ANKRD55: variants seen among roughly 807,000 people sequenced by gnomAD.
ANKRD55 encodes ankyrin repeat domain 55, also known as ankyrin repeat domain-containing protein 55.
A neutral mutation model predicts 60.6 loss-of-function variants in ANKRD55; 41 were observed. The observed-to-expected ratio is 0.68, with a 90% CI of 0.53 to 0.88. ANKRD55 has a LOEUF of 0.88. Among genes scored for constraint, ANKRD55 ranks in the 40% least tolerant of loss-of-function variants. The pLI is 0.00. For synonymous variants in ANKRD55, 264 were observed against 290.3 expected, an observed-to-expected ratio of 0.91 and a Z score of 0.92; for missense variants, 732 against 767.6, an observed-to-expected ratio of 0.95 and a Z score of 0.55.
chr5:56,155,654 C>T (rs1290561685), intron 6 of ANKRD55, among the ~76,000 whole-genome samples: 1 of 151,854 alleles, frequency 6.6e-6, no homozygotes, highest in Non-Finnish European at 1.5e-5. Context: ...ATTATGAGTG[C>T]CTCAGAGTTA....
At chr5:56,176,384 AC>A in intron 3 of ANKRD55, 102 bp from the exon 4 acceptor site, 1 of 1,375,238 alleles carries the variant, frequency 7.3e-7, no homozygotes. Context: ...TGCAATACAA[AC>A]CCAGCTGTTT....
At chr5:56,112,995 A>G (rs888457682) in intron 9 of ANKRD55, among the ~76,000 whole-genome samples, 1 of 152,200 alleles carries the variant, frequency 6.6e-6, no homozygotes, top group African/African-American at 2.4e-5. Context: ...ACTGAATTCT[A>G]GACTCCTAAT....
At chr5:56,132,424 C>CAAAAAAAAAAAAAAAAAAG (rs34289990) in intron 7 of ANKRD55, among the ~76,000 whole-genome samples, 1 of 120,372 alleles carries the variant, frequency 8.3e-6, no homozygotes, top group African/African-American at 3.6e-5. Context: ...ACTTAAAATA[C>CAAAAAAAAAAAAAAAAAAG]AAAAAAAAAA....
At position 56,132,424 on chromosome 5, in the gene ANKRD55, C is replaced by CAAAAA. The variant is rs34289990; in HGVS notation, c.613-5323_613-5319dup. 5.7e-3 allele frequency among the ~76,000 whole-genome samples: 690 copies of CAAAAA among 120,322 alleles called. 18 individuals are homozygous for CAAAAA. The highest frequency in any genetic ancestry group is 0.019 in the African/African-American group (517 of 27,502). 78.9% of individuals were successfully genotyped at this position (120,322 alleles called of 152,430 possible). Reference sequence around the variant, plus strand: ...TGAAACCCTGTCTCTACTTAAAATACAAAAAAAAAAAAAAAAATTAGCTGG... The same window carrying CAAAAA: ...TGAAACCCTGTCTCTACTTAAAATACAAAAAAAAAAAAAAAAAAAAAATTAGCTGG... On this transcript the variant is annotated intron_variant, in intron 7 of 11. Transcript: ENST00000341048.
At chr5:56,233,101 G>A (rs1760297804) in intron 1 of ANKRD55, 140 bp downstream of exon 1, 4 of 608,262 alleles carry the variant, frequency 6.6e-6, no homozygotes, top group Non-Finnish European at 1.2e-5. Context: ...TGCTATTCCT[G>A]TAAATACCTG....
At position 56,112,581 on chromosome 5, in the gene ANKRD55, C is replaced by T. The variant is rs542282575; in HGVS notation, c.966-799G>A. On this transcript the variant is annotated intron_variant, in intron 9 of 11. Transcript: ENST00000341048. ...GCGAGGGAAGAGGAGGAGTGCATGA[C>T]CAAGGTCGGGCGTGGCTGCAGAAGA... Among the ~76,000 whole-genome samples the T allele has an allele frequency of 2.3e-4, 35 of 149,480 alleles. 1 individual carries two copies. In the East Asian group the frequency reaches 6.6e-3, roughly 28 times the overall value.
At position 56,148,440 on chromosome 5, in the gene ANKRD55, C is replaced by T. The variant is rs917787260; in HGVS notation, c.484-4511G>A. 2.6e-4 allele frequency among the ~76,000 whole-genome samples: 40 copies of T among 152,154 alleles called. 1 individual carries two copies. Among genetic ancestry groups the T allele is most frequent in the Non-Finnish European group, 4.9e-4 (33 of 68,024 alleles). On this transcript the variant is annotated intron_variant, in intron 6 of 11. Transcript: ENST00000341048. ...ACACATATTCAGTTAAAAATATAAGCTCTCCAGAATGTTTTGAGGGGAAAT... is the reference window on the plus strand; with the variant it reads ...ACACATATTCAGTTAAAAATATAAGTTCTCCAGAATGTTTTGAGGGGAAAT...
At chr5:56,129,385 T>C (rs1395345936) in intron 7 of ANKRD55, among the ~76,000 whole-genome samples, 1 of 152,232 alleles carries the variant, frequency 6.6e-6, no homozygotes, top group Non-Finnish European at 1.5e-5. Flanking sequence ...GATTGTGAGT[T>C]TGTTTTTGTT....
intron 2 of ANKRD55, among the ~76,000 whole-genome samples, chr5:56,219,673 C>T (rs1021999356): frequency 1.3e-5 from 2 of 151,904 alleles, no homozygotes; most frequent in African/African-American, 2.4e-5. Context: ...TTTACAAGTG[C>T]ATTAATCATG....
At chr5:56,183,887 A>G (rs1267623757) in intron 2 of ANKRD55, among the ~76,000 whole-genome samples, 2 of 152,204 alleles carry the variant, frequency 1.3e-5, no homozygotes, top group African/African-American at 4.8e-5. Flanking sequence ...TTTTCTGATT[A>G]TTTCCAGGCA....
chr5:56,159,432 G>T (rs1283989871), intron 6 of ANKRD55, among the ~76,000 whole-genome samples: 3 of 151,792 alleles, frequency 2.0e-5, no homozygotes, highest in Non-Finnish European at 4.4e-5. Flanking sequence ...CTGCACTCCA[G>T]CCTGGGCAAC....
intron 6 of ANKRD55, among the ~76,000 whole-genome samples, chr5:56,145,055 A>C (rs1478380544): frequency 6.6e-6 from 1 of 152,238 alleles, no homozygotes; most frequent in Non-Finnish European, 1.5e-5. Context: ...GGTGAGCTGC[A>C]TGGAGAAGAT....
intron 2 of ANKRD55, among the ~76,000 whole-genome samples, chr5:56,187,687 C>T (rs370853381): frequency 2.0e-4 from 30 of 152,384 alleles, no homozygotes; most frequent in African/African-American, 5.5e-4. Context: ...TGTTCCTGCA[C>T]GGCTAACTGC....
At chr5:56,133,550 T>C (rs1757483262) in intron 7 of ANKRD55, among the ~76,000 whole-genome samples, 1 of 106,208 alleles carries the variant, frequency 9.4e-6, no homozygotes, top group Non-Finnish European at 2.2e-5. Flanking sequence ...TTCACCGAGA[T>C]AGACTACAGT....
At chr5:56,201,266 C>A (rs1759369523) in intron 2 of ANKRD55, among the ~76,000 whole-genome samples, 1 of 152,132 alleles carries the variant, frequency 6.6e-6, no homozygotes, top group South Asian at 2.1e-4. Flanking sequence ...GCATGCCAGG[C>A]CTTACACTGC....
At chr5:56,143,156 T>C (rs1048656377) in intron 7 of ANKRD55, among the ~76,000 whole-genome samples, 13 of 152,124 alleles carry the variant, frequency 8.5e-5, no homozygotes, top group African/African-American at 2.9e-4. Context: ...GGCTGGCAAG[T>C]TTATGCAAAG....
At chr5:56,199,100 C>A (rs1436525945) in intron 2 of ANKRD55, among the ~76,000 whole-genome samples, 5 of 151,658 alleles carry the variant, frequency 3.3e-5, no homozygotes, top group Non-Finnish European at 7.4e-5. Context: ...AACAAACAAA[C>A]AAACCCAAAA....
intron 6 of ANKRD55, among the ~76,000 whole-genome samples, chr5:56,147,043 C>A (rs543551163): frequency 3.9e-5 from 6 of 152,240 alleles, no homozygotes; most frequent in African/African-American, 1.2e-4. Context: ...CCCACAAAAC[C>A]CAACTCTTGC....
At chr5:56,220,281 T>G (rs1342611577) in intron 2 of ANKRD55, among the ~76,000 whole-genome samples, 1 of 152,220 alleles carries the variant, frequency 6.6e-6, no homozygotes, top group Non-Finnish European at 1.5e-5. Context: ...AGGGGCTTCC[T>G]TCTGTAGAGT....
Sources: allele counts gnomAD v4.1 joint callset (sites outside exome capture counted in the v4.1 genomes callset), GRCh38; gene constraint gnomAD v4.1.1; transcripts MANE v1.5; gene names NCBI Gene and HGNC (gene_info 2026-07-23, HGNC 2026-07-21).